The following CST4 variants were observed in gnomAD, a reference collection of about 807,000 sequenced individuals.
CST4 encodes cystatin S.
CST4 carries 17 observed loss-of-function variants against 11.2 expected under a neutral mutation model. The observed-to-expected ratio is 1.52, with a 90% CI of 1.04 to 2.27. The LOEUF is 2.27. Ranked by LOEUF, CST4 falls within the 30% of genes most tolerant of loss-of-function variation. The pLI is 0.00. For missense variants in CST4, 251 were observed against 180.2 expected (o/e 1.39, Z -2.25); for synonymous variants, 93 against 70.1 (o/e 1.33, Z -1.63).
chr20:23,686,873 C>T lies in CST4; in HGVS notation c.342+215G>A, dbSNP rs11696957. On this transcript the variant is annotated intron_variant, in intron 2 of 2. Coordinates refer to ENST00000217423, the MANE Select transcript of CST4 (RefSeq NM_001899.3). ...GCTTCCATACACCTACCCGCACACA[C>T]TGGCACATGTGTGTACACACGTGCA... Among the ~76,000 whole-genome samples, 4,213 of 152,184 alleles carry T rather than the reference C, an allele frequency of 0.028. 105 individuals are homozygous for T. The highest frequency in any genetic ancestry group is 0.041 in the Non-Finnish European group (2,755 of 68,018).
chr20:23,688,765 G>T lies in CST4; in HGVS notation c.205C>A (p.Gln69Lys), dbSNP rs1405789365. 11 of 1,614,050 alleles carry T rather than the reference G, an allele frequency of 6.8e-6. No homozygotes were observed. Among genetic ancestry groups the T allele is most frequent in the Admixed American group, 3.3e-5 (2 of 60,004 alleles). Reference sequence around the variant, plus strand: ...ACCTGCTCCCTGGCTCGCAGCACCTGCAGCGGGCGTCTGTAGTACTCATCT... The same window carrying T: ...ACCTGCTCCCTGGCTCGCAGCACCTTCAGCGGGCGTCTGTAGTACTCATCT... ...TEDEYYRRPL[Q>K]VLRAREQTFG... The change falls in exon 1 of 3, where the codon CAG (glutamine) becomes AAG (lysine). Residue 69 changes from glutamine to lysine, a missense_variant. Transcript: ENST00000217423.
Position 23,687,164 on chromosome 20 carries a change from A to G in CST4, c.266T>C (p.Val89Ala). Reference protein sequence around the residue: ...GGVNYFFDVEVGRTICTKSQP... With the variant: ...GGVNYFFDVEAGRTICTKSQP... ...GGACTTGGTACATATGGTGCGGCCCACCTCTACGTCGAAGAAGTAATTCAC... is the reference window on the plus strand; with the variant it reads ...GGACTTGGTACATATGGTGCGGCCCGCCTCTACGTCGAAGAAGTAATTCAC... Residue 89 changes from valine (V) to alanine (A), a missense_variant, in exon 2 of 3, where the codon GTG becomes GCG. Coordinates refer to ENST00000217423, the MANE Select transcript of CST4 (RefSeq NM_001899.3). 1 of 1,614,016 alleles carries G rather than the reference A, an allele frequency of 6.2e-7. No individual in the cohort carries two copies. The highest frequency in any genetic ancestry group is 1.1e-5 in the South Asian group (1 of 91,072).
chr20:23,688,553 ACTGT>A (rs1981119124), intron 1 of CST4, among the ~76,000 whole-genome samples, 185 bp downstream of exon 1: 2 of 152,150 alleles, frequency 1.3e-5, no homozygotes, highest in South Asian at 4.1e-4. Context: ...ACTTCCTTTA[ACTGT>A]CTGCAGTGCA....
At chr20:23,686,008 T>C (rs774578594) in intron 2 of CST4, 31 bp from the exon 3 acceptor site, 5 of 1,606,586 alleles carry the variant, frequency 3.1e-6, no homozygotes, top group Non-Finnish European at 4.3e-6. Flanking sequence ...GGCCAATCAG[T>C]GTGGGTTACA....
At chr20:23,686,928 C>T (rs374098029) in intron 2 of CST4, among the ~76,000 whole-genome samples, 160 bp downstream of exon 2, 1 of 151,714 alleles carries the variant, frequency 6.6e-6, no homozygotes, top group African/African-American at 2.4e-5. Context: ...ACATGCACAC[C>T]CCCCCATAAG....
In CST4 at chr20:23,687,098, T is replaced by C. The variant is rs1981070958; in HGVS notation, c.332A>G (p.Glu111Gly). The C allele has an allele frequency of 3.7e-6, 6 of 1,614,158 alleles. No individual in the cohort carries two copies. The highest frequency in any genetic ancestry group is 1.1e-5 in the South Asian group (1 of 91,084). Residue 111 changes from glutamate to glycine, a missense_variant, in exon 2 of 3, where the codon GAA (glutamate) becomes GGA (glycine). Coordinates refer to ENST00000217423, the MANE Select transcript of CST4 (RefSeq NM_001899.3). ...LDTCAFHEQPELQKKQLCSFE... is the reference protein window; with the variant it reads ...LDTCAFHEQPGLQKKQLCSFE... ...GCATCAGGAACGTACCTTCTGCAGT[T>C]CTGGCTGTTCATGGAAGGCACAGGT...
chr20:23,688,155 T>A (rs1981106981), intron 1 of CST4, among the ~76,000 whole-genome samples: 1 of 152,234 alleles, frequency 6.6e-6, no homozygotes, highest in Non-Finnish European at 1.5e-5. Flanking sequence ...GGGTGACTGC[T>A]GTCCTCATCT....
In CST4 at chr20:23,685,777, C is replaced by T. The variant is rs567725979; in HGVS notation, c.*117G>A. On this transcript the variant is annotated 3_prime_UTR_variant, in exon 3 of 3. Transcript: ENST00000217423. Reference sequence around the variant, plus strand: ...CTCCTGCAGCCTTCTCTGTCTGTCTCTTGGCACAGGCACATGGGGAGGCCT... The same window carrying T: ...CTCCTGCAGCCTTCTCTGTCTGTCTTTTGGCACAGGCACATGGGGAGGCCT... 3.8e-6 allele frequency: 4 copies of T among 1,041,898 alleles called. No individual in the cohort carries two copies. In the South Asian group the frequency reaches 5.8e-5, roughly 15 times the overall value. The allele number at this position is 1,041,898 out of a possible 1,614,324, so 64.5% of individuals were successfully genotyped here.
rs767674116 is a variant in CST4, at chr20:23,687,193, C to T, written c.237G>A (p.Gly79=). The change falls in exon 2 of 3, where the codon GGG becomes GGA. Residue 79 remains glycine (G), a synonymous_variant. Transcript: ENST00000217423. ...CTACGTCGAAGAAGTAATTCACCCC[C>T]CCAAAGGTCTGCACACAGGAGAAAA... ...QVLRAREQTF[G]GVNYFFDVEV... is the part of the protein sequence containing the mutation. 13 of 1,613,838 alleles carry T rather than the reference C, an allele frequency of 8.1e-6. No individual in the cohort carries two copies. The highest frequency in any genetic ancestry group is 2.2e-5 in the East Asian group (1 of 44,886).
chr20:23,688,617 A>C, intron 1 of CST4, 125 bp downstream of exon 1: 1 of 917,306 alleles, frequency 1.1e-6, no homozygotes, highest in South Asian at 1.6e-5. Context: ...AGAGTCAGAG[A>C]AAGCTGAATG....
chr20:23,689,024 C>T lies in CST4; in HGVS notation c.-55G>A, dbSNP rs1224749990. The T allele has an allele frequency of 6.4e-6, 10 of 1,562,018 alleles. No homozygotes were observed. The highest frequency in any genetic ancestry group is 1.8e-4 in the Middle Eastern group (1 of 5,450). On this transcript the variant is annotated 5_prime_UTR_variant, in exon 1 of 3. Transcript: ENST00000217423. Reference sequence around the variant, plus strand: ...GAGCTGCAGGAGAGGAGGGTGAGAGCCCGAGGCAGGGAGCCCAGACCAGCA... The same window carrying T: ...GAGCTGCAGGAGAGGAGGGTGAGAGTCCGAGGCAGGGAGCCCAGACCAGCA...
chr20:23,686,866 GCA>G (rs1358069441), intron 2 of CST4, among the ~76,000 whole-genome samples: 1 of 151,620 alleles, frequency 6.6e-6, no homozygotes, highest in Non-Finnish European at 1.5e-5. Context: ...ACACCTACCC[GCA>G]CACACTGGCA....
intron 2 of CST4, among the ~76,000 whole-genome samples, chr20:23,686,721 C>T (rs911355293): frequency 5.3e-5 from 8 of 152,020 alleles, no homozygotes; most frequent in African/African-American, 1.9e-4. Flanking sequence ...AAACACATCA[C>T]CCCCTCCCTC....
intron 1 of CST4, among the ~76,000 whole-genome samples, chr20:23,687,948 C>T (rs1026556003): frequency 2.0e-5 from 3 of 152,226 alleles, no homozygotes; most frequent in African/African-American, 7.2e-5. Context: ...AGTGCACCTC[C>T]TGTGCAGGGT....
intron 1 of CST4, among the ~76,000 whole-genome samples, chr20:23,688,167 G>A (rs1405913593): frequency 6.6e-6 from 1 of 152,200 alleles, no homozygotes; most frequent in Non-Finnish European, 1.5e-5. Context: ...TCCTCATCTG[G>A]CTGAGGTCTA....
At chr20:23,686,997 C>G in intron 2 of CST4, 91 bp downstream of exon 2, 4 of 1,535,562 alleles carry the variant, frequency 2.6e-6, no homozygotes, top group Non-Finnish European at 3.6e-6. Flanking sequence ...CCTGCACACA[C>G]ACACCGTCCA....
intron 1 of CST4, among the ~76,000 whole-genome samples, chr20:23,687,663 A>G (rs1183515865): frequency 6.6e-6 from 1 of 152,216 alleles, no homozygotes; most frequent in East Asian, 1.9e-4. Flanking sequence ...TTCTCAAGTC[A>G]GCAGCACACC....
chr20:23,688,654 T>C (rs1981122065), intron 1 of CST4, 88 bp downstream of exon 1: 2 of 1,185,778 alleles, frequency 1.7e-6, no homozygotes. Context: ...CATGAATGTG[T>C]CAGTGTTGAT....
In CST4 at chr20:23,687,010, C is replaced by T. The variant is rs1981066019; in HGVS notation, c.342+78G>A. The T allele has an allele frequency of 1.9e-6, 3 of 1,588,444 alleles. No homozygotes were observed. The Admixed American group carries it at 5.0e-5, about 27-fold the overall frequency. On this transcript the variant is annotated intron_variant, in intron 2 of 2. Coordinates refer to ENST00000217423, the MANE Select transcript of CST4 (RefSeq NM_001899.3). Reference sequence around the variant, plus strand: ...CACCTGCACACACACACCGTCCAAACATGGGTAGGACAGAGGCTGACACAT... The same window carrying T: ...CACCTGCACACACACACCGTCCAAATATGGGTAGGACAGAGGCTGACACAT...
Sources: allele counts gnomAD v4.1 joint callset (sites outside exome capture counted in the v4.1 genomes callset), GRCh38; gene constraint gnomAD v4.1.1; transcripts MANE v1.5; gene names NCBI Gene and HGNC (gene_info 2026-07-23, HGNC 2026-07-21).